SDK1: variants seen among roughly 807,000 people sequenced by gnomAD.
SDK1 encodes the protein protein sidekick-1.
A neutral mutation model predicts 245.5 loss-of-function variants in SDK1; 157 were observed. That is an observed-to-expected ratio of 0.64 (90% confidence interval 0.56 to 0.73). SDK1 has a LOEUF of 0.73. SDK1 is among the 30% of genes least tolerant of loss of function. The pLI is 0.00. For missense variants in SDK1, 3,583 were observed against 3,002.3 expected, an observed-to-expected ratio of 1.19 and a Z score of -4.52; for synonymous variants, 1,647 against 1,278.5, an observed-to-expected ratio of 1.29 and a Z score of -6.15.
chr7:3,655,657 T>G (rs1783159851), intron 4 of SDK1, among the ~76,000 whole-genome samples: 1 of 151,470 alleles, frequency 6.6e-6, no homozygotes, highest in African/African-American at 2.4e-5. Context: ...CCCAGCAACT[T>G]AAAACAGCAC....
chr7:4,103,635 G>A (rs1187098293), intron 22 of SDK1, among the ~76,000 whole-genome samples: 1 of 152,206 alleles, frequency 6.6e-6, no homozygotes, highest in African/African-American at 2.4e-5. Context: ...TCATTCGCAT[G>A]TTCATTTGTA....
At chr7:3,931,722 T>C (rs74842892) in intron 5 of SDK1, among the ~76,000 whole-genome samples, 1,556 of 152,294 alleles carry the variant, frequency 0.01, 32 homozygotes, top group African/African-American at 0.036. Flanking sequence ...GCCTAGTTTT[T>C]TTCTCTTTCC....
chr7:3,496,299 G>A (rs1782024068), intron 1 of SDK1, among the ~76,000 whole-genome samples: 1 of 152,152 alleles, frequency 6.6e-6, no homozygotes, highest in South Asian at 2.1e-4. Context: ...TTTAGCTGCT[G>A]TTATTATCAT....
At chr7:3,644,529 C>G (rs1381281958) in intron 4 of SDK1, among the ~76,000 whole-genome samples, 3 of 151,370 alleles carry the variant, frequency 2.0e-5, no homozygotes, top group African/African-American at 7.3e-5. Flanking sequence ...CTTTAGGATG[C>G]TGATTGCTTG....
At chr7:3,949,934 T>A (rs1780732290) in intron 5 of SDK1, among the ~76,000 whole-genome samples, 1 of 152,208 alleles carries the variant, frequency 6.6e-6, no homozygotes, top group Non-Finnish European at 1.5e-5. Flanking sequence ...GGAGTAAGAA[T>A]GCCCACTGCT....
chr7:4,194,373 CATGT>C (rs1562416008), intron 35 of SDK1, among the ~76,000 whole-genome samples: 1 of 102,570 alleles, frequency 9.7e-6, no homozygotes, highest in East Asian at 2.4e-4. Context: ...TATGTGTATA[CATGT>C]ATGTGTATAC....
chr7:3,550,138 G>A (rs954531586), intron 1 of SDK1, among the ~76,000 whole-genome samples: 2 of 151,972 alleles, frequency 1.3e-5, no homozygotes, highest in Non-Finnish European at 2.9e-5. Context: ...ATATTAATAT[G>A]TGTCTATCTC....
chr7:3,653,873 G>A (rs557622913), intron 4 of SDK1, among the ~76,000 whole-genome samples: 1 of 152,312 alleles, frequency 6.6e-6, no homozygotes, highest in South Asian at 2.1e-4. Context: ...CACTTATGAA[G>A]CAGAGAGGAT....
intron 1 of SDK1, among the ~76,000 whole-genome samples, chr7:3,578,078 T>C (rs1324999892): frequency 6.6e-6 from 1 of 152,044 alleles, no homozygotes; most frequent in African/African-American, 2.4e-5. Context: ...ATTTTCTCTC[T>C]CTAATTTGCA....
chr7:3,602,817 A>G (rs1164299137), intron 1 of SDK1, among the ~76,000 whole-genome samples: 1 of 152,182 alleles, frequency 6.6e-6, no homozygotes, highest in East Asian at 1.9e-4. Context: ...TAGGTCTAAC[A>G]TTTAAGTCTT....
chr7:3,417,576 C>T (rs116724111), intron 1 of SDK1, among the ~76,000 whole-genome samples: 130 of 152,308 alleles, frequency 8.5e-4, no homozygotes, highest in African/African-American at 3.0e-3. Context: ...GGCAAAAATA[C>T]CCTGAGTATC....
intron 4 of SDK1, among the ~76,000 whole-genome samples, chr7:3,810,121 T>C (rs1340567478): frequency 2.0e-5 from 3 of 152,230 alleles, no homozygotes; most frequent in Non-Finnish European, 4.4e-5. Context: ...TGACTGCTGT[T>C]TGCAGAGTAT....
intron 1 of SDK1, among the ~76,000 whole-genome samples, chr7:3,337,299 A>G (rs1249501187): frequency 6.6e-5 from 10 of 152,302 alleles, no homozygotes; most frequent in Admixed American, 2.6e-4. Flanking sequence ...TAGAGTGGCA[A>G]TGGCAGGCTG....
intron 33 of SDK1, among the ~76,000 whole-genome samples, chr7:4,175,211 AC>A (rs979728788): frequency 5.9e-5 from 9 of 152,182 alleles, no homozygotes; most frequent in Non-Finnish European, 1.2e-4. Flanking sequence ...AATGTTGAAG[AC>A]GGGAAATTGC....
intron 1 of SDK1, 116 bp downstream of exon 1, chr7:3,302,000 C>T (rs1440919976): frequency 2.5e-6 from 2 of 790,330 alleles, no homozygotes; most frequent in Admixed American, 5.9e-5. Context: ...TCGGGATGCG[C>T]CTTGCTGGGG....
At chr7:3,636,440 C>G (rs1356684354) in intron 2 of SDK1, among the ~76,000 whole-genome samples, 1 of 152,166 alleles carries the variant, frequency 6.6e-6, no homozygotes, top group Non-Finnish European at 1.5e-5. Flanking sequence ...TTACATTCCT[C>G]TTATAAGTGG....
intron 1 of SDK1, among the ~76,000 whole-genome samples, chr7:3,459,252 G>A (rs1333760442): frequency 6.6e-6 from 1 of 152,120 alleles, no homozygotes; most frequent in Non-Finnish European, 1.5e-5. Flanking sequence ...TGTATTTGTA[G>A]TACCTTTTTA....
chr7:3,975,381 C>G (rs1289184712), intron 13 of SDK1, among the ~76,000 whole-genome samples: 1 of 152,186 alleles, frequency 6.6e-6, no homozygotes, highest in Admixed American at 6.5e-5. Flanking sequence ...GTTTGACATG[C>G]TGGGCCTTTC....
chr7:3,544,139 A>G (rs569176405), intron 1 of SDK1, among the ~76,000 whole-genome samples: 1 of 152,338 alleles, frequency 6.6e-6, no homozygotes, highest in South Asian at 2.1e-4. Flanking sequence ...CATCAATTTC[A>G]TTTTTAAATG....
Sources: gnomAD v4.1 joint callset for allele counts (sites outside exome capture counted in the v4.1 genomes callset) on GRCh38, gnomAD v4.1.1 for gene constraint, MANE v1.5 for transcripts, NCBI Gene and HGNC (gene_info 2026-07-23, HGNC 2026-07-21) for gene names.